The following NTM variants were observed in gnomAD, a reference collection of about 807,000 sequenced individuals.
NTM encodes the protein neurotrimin.
A neutral mutation model predicts 42.1 loss-of-function variants in NTM; 13 were observed. The observed-to-expected ratio is 0.31, with a 90% confidence interval of 0.20 to 0.49. The LOEUF is 0.49. Among genes scored for constraint, NTM ranks in the 20% least tolerant of loss-of-function variants. NTM has a pLI of 0.99. For synonymous variants in NTM, 187 were observed against 179.2 expected, an observed-to-expected ratio of 1.04 and a Z score of -0.35; for missense variants, 373 against 452.8, an observed-to-expected ratio of 0.82 and a Z score of 1.60.
intron 1 of NTM, among the ~76,000 whole-genome samples, chr11:131,498,872 C>T (rs1329243847): frequency 1.3e-5 from 2 of 152,198 alleles, no homozygotes; most frequent in Non-Finnish European, 2.9e-5. Flanking sequence ...GATGCCAGCT[C>T]ATGCCACGGG....
chr11:131,416,914 C>T (rs959912016), intron 1 of NTM, among the ~76,000 whole-genome samples: 5 of 152,068 alleles, frequency 3.3e-5, no homozygotes, highest in South Asian at 2.1e-4. Context: ...CATTTGGTGG[C>T]GAAATGATCA....
chr11:132,094,999 T>G (rs2060788198), intron 2 of NTM, among the ~76,000 whole-genome samples: 1 of 152,194 alleles, frequency 6.6e-6, no homozygotes. Context: ...GCTCCATCAT[T>G]GCAGGGAGAG....
chr11:132,086,386 A>G (rs556040358), intron 2 of NTM, among the ~76,000 whole-genome samples: 27 of 145,444 alleles, frequency 1.9e-4, no homozygotes, highest in African/African-American at 6.6e-4. Flanking sequence ...TCGATTGAGG[A>G]AAAAAAAACT....
At chr11:131,451,681 C>G (rs1327854121) in intron 1 of NTM, among the ~76,000 whole-genome samples, 1 of 152,116 alleles carries the variant, frequency 6.6e-6, no homozygotes, top group African/African-American at 2.4e-5. Flanking sequence ...GATGATAGAC[C>G]AAATGACAGG....
At chr11:132,056,155 TAA>T (rs1233647408) in intron 2 of NTM, among the ~76,000 whole-genome samples, 1 of 152,252 alleles carries the variant, frequency 6.6e-6, no homozygotes, top group East Asian at 1.9e-4. Flanking sequence ...AATTAAGAAT[TAA>T]AAGTGTTTAT....
In NTM at chr11:132,336,072, C is replaced by T. The variant is rs1318763644; in HGVS notation, c.*926C>T. 2.0e-5 allele frequency: 3 copies of T among 152,590 alleles called. No individual in the cohort carries two copies. Among genetic ancestry groups the T allele is most frequent in the African/African-American group, 7.2e-5 (3 of 41,418 alleles). The allele number at this position is 152,590 out of a possible 1,614,324, so 9.5% of individuals were successfully genotyped here. A position where few individuals can be genotyped will look rare whatever the true frequency, so the allele number is the denominator to read the frequency against. ...TCCCAATTCTGACATCTCTTGCAGA[C>T]AATACTATGCTCTCTACACACTGTT... On this transcript the variant is annotated 3_prime_UTR_variant, in exon 9 of 9. Coordinates refer to ENST00000683400, the MANE Select transcript of NTM (RefSeq NM_001352005.2).
chr11:132,017,559 G>A (rs1241967332), intron 2 of NTM, among the ~76,000 whole-genome samples: 5 of 151,950 alleles, frequency 3.3e-5, no homozygotes, highest in Admixed American at 2.0e-4. Flanking sequence ...CTTGATTACT[G>A]TAATTTTATA....
chr11:131,746,915 G>A (rs1423965613), intron 1 of NTM, among the ~76,000 whole-genome samples: 2 of 152,184 alleles, frequency 1.3e-5, no homozygotes, highest in Non-Finnish European at 2.9e-5. Flanking sequence ...TCAATTTGCT[G>A]TAGTAGTCAT....
chr11:132,022,509 G>A (rs1037413986), intron 2 of NTM, among the ~76,000 whole-genome samples: 1 of 152,156 alleles, frequency 6.6e-6, no homozygotes, highest in African/African-American at 2.4e-5. Context: ...GCCCTGCAAA[G>A]GACACTACCC....
At chr11:132,054,962 C>CG (rs1207374696) in intron 2 of NTM, among the ~76,000 whole-genome samples, 1 of 152,104 alleles carries the variant, frequency 6.6e-6, no homozygotes, top group Non-Finnish European at 1.5e-5. Flanking sequence ...AGGGAGGAAA[C>CG]GGTGGTACTG....
At chr11:131,828,975 C>T (rs979186366) in intron 1 of NTM, among the ~76,000 whole-genome samples, 22 of 149,268 alleles carry the variant, frequency 1.5e-4, no homozygotes, top group African/African-American at 4.9e-4. Flanking sequence ...CATCACTCTC[C>T]CTCTCTCTCT....
intron 4 of NTM, among the ~76,000 whole-genome samples, chr11:132,294,134 T>TA (rs1287049440): frequency 6.6e-6 from 1 of 152,180 alleles, no homozygotes; most frequent in Non-Finnish European, 1.5e-5. Flanking sequence ...CTTCGAGCTT[T>TA]AATGAGAACA....
At chr11:131,911,379 C>T in intron 1 of NTM, 185 bp from the exon 2 acceptor site, 2 of 1,571,668 alleles carry the variant, frequency 1.3e-6, no homozygotes, top group Non-Finnish European at 1.7e-6. Flanking sequence ...GGGTTCACCG[C>T]TCAGTCCCCG....
chr11:131,639,471 G>A (rs959377615), intron 1 of NTM, among the ~76,000 whole-genome samples: 2 of 152,192 alleles, frequency 1.3e-5, no homozygotes, highest in African/African-American at 4.8e-5. Context: ...TGCTGTCTTT[G>A]ATATCACACC....
chr11:132,314,676 C>T lies in NTM; in HGVS notation c.907C>T (p.His303Tyr), dbSNP rs2095375584. The change falls in exon 7 of 9, where the codon CAC (histidine) becomes TAC (tyrosine). Residue 303 changes from histidine to tyrosine, a missense_variant. His to Tyr is a moderately conservative substitution (Grantham distance 83). Around this residue, in one of 3 missense-constraint regions of NTM, gnomAD observed 312 missense variants for 353.5 expected, o/e 0.88. Transcript: ENST00000683400. ...TTGCGTGGCCTCCAACAAGCTGGGCCACACCAATGCCAGCATCATGCTATT... is the reference window on the plus strand; with the variant it reads ...TTGCGTGGCCTCCAACAAGCTGGGCTACACCAATGCCAGCATCATGCTATT... ...YTCVASNKLGHTNASIMLFEV... is the reference protein window; with the variant it reads ...YTCVASNKLGYTNASIMLFEV... The T allele has an allele frequency of 1.9e-6, 3 of 1,613,608 alleles. No homozygotes were observed. The highest frequency in any genetic ancestry group is 2.5e-6 in the Non-Finnish European group (3 of 1,179,844).
rs1433059241 is a variant in NTM at position 131,408,447 on chromosome 11, CTG to C, written c.82+37561_82+37562del. Among the ~76,000 whole-genome samples, 8 of 152,276 alleles carry C rather than the reference CTG, an allele frequency of 5.3e-5. No individual in the cohort carries two copies. In the South Asian group the frequency reaches 6.2e-4, roughly 12 times the overall value. ...TCTAGAAGGTGCTAACATTTGAAAA[CTG>C]TATAACATTTATGTGATTGAAAATA... On this transcript the variant is annotated intron_variant, in intron 1 of 8. Transcript: ENST00000683400.
chr11:131,522,273 G>T (rs1350747120), intron 1 of NTM, among the ~76,000 whole-genome samples: 1 of 151,882 alleles, frequency 6.6e-6, no homozygotes, highest in Non-Finnish European at 1.5e-5. Flanking sequence ...ATTTTGGAGA[G>T]CTAAGTCAAG....
At chr11:131,859,271 C>T (rs2046390456) in intron 1 of NTM, among the ~76,000 whole-genome samples, 1 of 152,040 alleles carries the variant, frequency 6.6e-6, no homozygotes, top group Non-Finnish European at 1.5e-5. Context: ...TAATCCTGAC[C>T]AGTAGAAAAA....
At position 132,080,007 on chromosome 11, in the gene NTM, A is replaced by T. The variant is rs921000749; in HGVS notation, c.168-66275A>T. The stretch of plus-strand genomic sequence containing the variant: ...CTAATTTAATAAAAAACAAATATGG[A>T]TTTGGTGGAGAAAAATATACATGGT... On this transcript the variant is annotated intron_variant, in intron 2 of 8. Transcript: ENST00000683400. 4.6e-5 allele frequency among the ~76,000 whole-genome samples: 7 copies of T among 152,294 alleles called. No individual in the cohort carries two copies. In the South Asian group the frequency reaches 1.5e-3, roughly 32 times the overall value.
Sources: allele counts gnomAD v4.1 joint callset (sites outside exome capture counted in the v4.1 genomes callset), GRCh38; gene constraint gnomAD v4.1.1; regional missense constraint gnomAD v4.1.1; transcripts MANE v1.5; gene names NCBI Gene and HGNC (gene_info 2026-07-23, HGNC 2026-07-21).